Variants in HAGH observed in about 807,000 individuals in gnomAD.
HAGH encodes the protein hydroxyacylglutathione hydrolase, mitochondrial.
Under a neutral mutation model 35.1 loss-of-function variants are expected in HAGH, and 29 were observed. The ratio of observed to expected loss-of-function variants is 0.83; its 90% CI spans 0.62 to 1.13. The LOEUF (loss-of-function observed/expected upper bound fraction) is 1.13, where lower values mean the gene tolerates loss of function less well. HAGH is among the 50% of genes most tolerant of loss of function. The probability of loss-of-function intolerance (pLI) is 0.00; values close to 1 mark genes in which losing one functional copy is unlikely to be tolerated. For synonymous variants in HAGH, 225 were observed against 176.1 expected, an observed-to-expected ratio of 1.28 and a Z score of -2.20; for missense variants, 478 against 419.6, an observed-to-expected ratio of 1.14 and a Z score of -1.22.
chr16:1,814,486 AAAG>A (rs1423398180), intron 7 of HAGH, among the ~76,000 whole-genome samples: 6 of 151,740 alleles, frequency 4.0e-5, no homozygotes, highest in South Asian at 4.2e-4. Context: ...AAAAAAAAAA[AAAG>A]AAACAAACAA....
At chr16:1,818,832 A>T in intron 5 of HAGH, 2 of 431,844 alleles carry the variant, frequency 4.6e-6, no homozygotes, top group Non-Finnish European at 8.5e-6. Context: ...CCCTGCTGGA[A>T]GAAACTGACT....
Position 1,807,713 on chromosome 16 carries a change from GTA to G in HAGH, c.*1568_*1569del. The G allele has an allele frequency of 6.6e-6, 1 of 152,242 alleles. No individual in the cohort carries two copies. Among genetic ancestry groups the G allele is most frequent in the South Asian group, 2.1e-4 (1 of 4,834 alleles). 9.4% of individuals were successfully genotyped at this position (152,242 alleles called of 1,614,324 possible). On this transcript the variant is annotated 3_prime_UTR_variant, in exon 9 of 9. Coordinates refer to ENST00000397356, the MANE Select transcript of HAGH (RefSeq NM_005326.6). Reference sequence around the variant, plus strand: ...ACAAACTCTTTGCGCTGGGGCGGGGGTAGTGGGAGAAGAAAGCCGGAGAAGCA... The same window carrying G: ...ACAAACTCTTTGCGCTGGGGCGGGGGGTGGGAGAAGAAAGCCGGAGAAGCA...
Position 1,809,104 on chromosome 16 carries a change from T to C in HAGH, c.*179A>G, listed in dbSNP as rs1366390162. The C allele has an allele frequency of 3.5e-6, 2 of 564,668 alleles. No individual in the cohort carries two copies. Among genetic ancestry groups the C allele is most frequent in the Non-Finnish European group, 6.3e-6 (2 of 315,900 alleles). 35.0% of individuals were successfully genotyped at this position (564,668 alleles called of 1,614,324 possible). Reference sequence around the variant, plus strand: ...AAGAAAACAGTCTGCAAGGGGAAGTTATGGGAATAAATACTTGTTAAACTT... The same window carrying C: ...AAGAAAACAGTCTGCAAGGGGAAGTCATGGGAATAAATACTTGTTAAACTT... On this transcript the variant is annotated 3_prime_UTR_variant, in exon 9 of 9. Coordinates refer to ENST00000397356, the MANE Select transcript of HAGH (RefSeq NM_005326.6).
chr16:1,809,888 G>A, intron 7 of HAGH, 55 bp from the exon 8 acceptor site: 1 of 1,324,020 alleles, frequency 7.6e-7, no homozygotes, highest in Non-Finnish European at 1.1e-6. Context: ...GGCAGACCAG[G>A]CACGGAGGCT....
At chr16:1,816,849 G>A (rs1284185854) in intron 7 of HAGH, 44 bp downstream of exon 7, 2 of 1,247,874 alleles carry the variant, frequency 1.6e-6, no homozygotes, top group Non-Finnish European at 2.4e-6. Context: ...CAGCGGCCCT[G>A]AGCAGCCCAC....
upstream of HAGH, chr16:1,827,020 G>T: frequency 1.4e-6 from 1 of 712,266 alleles, no homozygotes; most frequent in Non-Finnish European, 2.2e-6. Flanking sequence ...GAGCTGCGCC[G>T]GGAGAGCTGT....
chr16:1,825,501 A>T (rs934619796), intron 1 of HAGH, among the ~76,000 whole-genome samples: 1 of 152,070 alleles, frequency 6.6e-6, no homozygotes, highest in African/African-American at 2.4e-5. Flanking sequence ...TAACTGTAAT[A>T]CTTTGTACAA....
chr16:1,827,049 T>G (rs1446557757), upstream of HAGH: 1 of 845,210 alleles, frequency 1.2e-6, no homozygotes, highest in Non-Finnish European at 1.7e-6. Context: ...CCTCCGCCTC[T>G]TTTTTGGCAC....
At chr16:1,816,872 C>T (rs11862755) in intron 7 of HAGH, 21 bp downstream of exon 7, 101,672 of 1,508,596 alleles carry the variant, frequency 0.067, 3,769 homozygotes, top group East Asian at 0.12. Flanking sequence ...GAAGGCACTG[C>T]GCAGTGACGG....
chr16:1,813,726 T>C (rs1014168651), intron 7 of HAGH, among the ~76,000 whole-genome samples: 9 of 152,136 alleles, frequency 5.9e-5, no homozygotes, highest in African/African-American at 2.2e-4. Context: ...AAAACGGAAA[T>C]GTAAAAGGCT....
chr16:1,822,258 G>A, intron 3 of HAGH, 42 bp downstream of exon 3: 1 of 1,378,126 alleles, frequency 7.3e-7, no homozygotes, highest in African/African-American at 1.4e-5. Context: ...GGGGCGAGAA[G>A]TGAGCCAGGT....
At chr16:1,814,550 C>A (rs1337737208) in intron 7 of HAGH, among the ~76,000 whole-genome samples, 5 of 150,968 alleles carry the variant, frequency 3.3e-5, no homozygotes, top group Admixed American at 2.6e-4. Context: ...TTCCAAAAGA[C>A]AATGTTAAGA....
At chr16:1,809,888 G>T (rs540044215) in intron 7 of HAGH, 55 bp from the exon 8 acceptor site, 1 of 1,324,016 alleles carries the variant, frequency 7.6e-7, no homozygotes, top group Non-Finnish European at 1.1e-6. Context: ...GGCAGACCAG[G>T]CACGGAGGCT....
At chr16:1,819,660 A>G (rs1395099469) in intron 4 of HAGH, among the ~76,000 whole-genome samples, 1 of 152,080 alleles carries the variant, frequency 6.6e-6, no homozygotes, top group Admixed American at 6.5e-5. Context: ...GACCCTGCCC[A>G]CATGGCCCGC....
intron 4 of HAGH, 48 bp downstream of exon 4, chr16:1,819,849 C>T (rs199897236): frequency 2.6e-5 from 30 of 1,173,008 alleles, no homozygotes; most frequent in African/African-American, 1.1e-4. Flanking sequence ...CCCTCCCCCA[C>T]GCTCCTGACA....
At chr16:1,821,958 T>TGTTTG (rs1276283249) in intron 3 of HAGH, 1 of 209,562 alleles carries the variant, frequency 4.8e-6, no homozygotes, top group African/African-American at 2.3e-5. Context: ...TTTTGTTTTT[T>TGTTTG]TTTTTTTTAA....
Position 1,822,890 on chromosome 16 carries a change from A to G in HAGH, c.224T>C (p.Ile75Thr), listed in dbSNP as rs1361737160. The G allele has an allele frequency of 8.1e-6, 13 of 1,613,734 alleles. 1 individual carries two copies. The South Asian group carries it at 1.3e-4, about 16-fold the overall frequency. The change falls in exon 2 of 9, where the codon ATT becomes ACT. Residue 75 changes from isoleucine to threonine, a missense_variant. Ile to Thr is a moderately conservative substitution (Grantham distance 89). Transcript: ENST00000397356. Reference sequence around the variant, plus strand: ...CTTCTGGGGCTGCACCGGATCCACAATGGCAGCCTCCTTGGTCTCATCATC... The same window carrying G: ...CTTCTGGGGCTGCACCGGATCCACAGTGGCAGCCTCCTTGGTCTCATCATC... ...VIDDETKEAA[I>T]VDPVQPQKVV... is the part of the protein sequence containing the mutation.
intron 7 of HAGH, among the ~76,000 whole-genome samples, chr16:1,812,897 G>C (rs1000242089): frequency 7.9e-6 from 1 of 126,464 alleles, no homozygotes; most frequent in African/African-American, 3.0e-5. Flanking sequence ...CCACCGTGTG[G>C]TGTGCCGAAA....
chr16:1,813,471 A>G (rs1428611459), intron 7 of HAGH, among the ~76,000 whole-genome samples: 1 of 152,226 alleles, frequency 6.6e-6, no homozygotes, highest in Non-Finnish European at 1.5e-5. Context: ...CATCCACTGT[A>G]TTTATAACTA....
Sources: gnomAD v4.1 joint callset for allele counts (sites outside exome capture counted in the v4.1 genomes callset) on GRCh38, gnomAD v4.1.1 for gene constraint, MANE v1.5 for transcripts, NCBI Gene and HGNC (gene_info 2026-07-23, HGNC 2026-07-21) for gene names.